PVT1: variants seen among roughly 807,000 people sequenced by gnomAD.
PVT1 encodes CXCR4/PVT1 fusion.
intron 5 of PVT1, among the ~76,000 whole-genome samples, chr8:128,070,823 G>T (rs185395157): frequency 1.3e-5 from 2 of 152,192 alleles, no homozygotes; most frequent in South Asian, 2.1e-4. Flanking sequence ...TCTTCCCCCT[G>T]CCATGGACTT....
chr8:127,923,732 C>T (rs1816092818), intron 3 of PVT1, among the ~76,000 whole-genome samples: 1 of 152,176 alleles, frequency 6.6e-6, no homozygotes, highest in South Asian at 2.1e-4. Context: ...ACACAGGAGC[C>T]TCCCCCTAAC....
intron 3 of PVT1, among the ~76,000 whole-genome samples, chr8:127,952,927 G>A (rs1690215761): frequency 1.3e-5 from 2 of 152,170 alleles, no homozygotes; most frequent in Admixed American, 1.3e-4. Flanking sequence ...ACCACGCCTG[G>A]CTAATTTTTT....
intron 2 of PVT1, among the ~76,000 whole-genome samples, chr8:127,841,849 C>T (rs1352682268): frequency 2.0e-5 from 3 of 151,966 alleles, no homozygotes; most frequent in African/African-American, 7.2e-5. Context: ...CCTCAGCCTC[C>T]CAAGTAGCTG....
At chr8:128,041,702 G>A (rs928447278) in intron 4 of PVT1, among the ~76,000 whole-genome samples, 28 of 151,508 alleles carry the variant, frequency 1.8e-4, no homozygotes, top group Non-Finnish European at 2.4e-4. Context: ...TGTGTTGTTC[G>A]TGTGTGCATG....
At chr8:127,991,852 C>G (rs1241349756) in intron 4 of PVT1, among the ~76,000 whole-genome samples, 1 of 152,260 alleles carries the variant, frequency 6.6e-6, no homozygotes, top group East Asian at 1.9e-4. Context: ...GGGAGCCTGC[C>G]TGTCTGTACC....
intron 5 of PVT1, among the ~76,000 whole-genome samples, chr8:128,084,990 G>A (rs1440305295): frequency 6.6e-6 from 1 of 152,134 alleles, no homozygotes; most frequent in African/African-American, 2.4e-5. Flanking sequence ...TCCCATCTGT[G>A]GTGGTTTAAA....
intron 2 of PVT1, among the ~76,000 whole-genome samples, chr8:127,809,440 C>G (rs1430699783): frequency 2.6e-5 from 4 of 152,192 alleles, no homozygotes; most frequent in African/African-American, 9.7e-5. Context: ...GCGATCCTCC[C>G]ATCTTGACCT....
chr8:127,946,522 C>T (rs1414867603), intron 3 of PVT1: 1 of 152,142 alleles, frequency 6.6e-6, no homozygotes, highest in Non-Finnish European at 1.5e-5. Context: ...AGGAAAGAGA[C>T]CACGGATGAA....
intron 3 of PVT1, among the ~76,000 whole-genome samples, chr8:127,967,211 G>T (rs773649828): frequency 2.0e-5 from 3 of 152,180 alleles, no homozygotes; most frequent in Non-Finnish European, 4.4e-5. Context: ...AGGTCAGAAG[G>T]ACAGGGCCTT....
At chr8:128,001,551 G>T (rs879461174) in intron 4 of PVT1, among the ~76,000 whole-genome samples, 2 of 152,096 alleles carry the variant, frequency 1.3e-5, no homozygotes, top group Admixed American at 1.3e-4. Context: ...CACCAGATCA[G>T]GAATCTGTTT....
At chr8:127,950,822 C>G (rs1385900425) in intron 3 of PVT1, among the ~76,000 whole-genome samples, 1 of 152,226 alleles carries the variant, frequency 6.6e-6, no homozygotes, top group Non-Finnish European at 1.5e-5. Flanking sequence ...CTGCTCAGCA[C>G]TTTTACAGTT....
chr8:128,021,517 T>C (rs1487704265), intron 4 of PVT1, among the ~76,000 whole-genome samples: 1 of 151,998 alleles, frequency 6.6e-6, no homozygotes, highest in Non-Finnish European at 1.5e-5. Flanking sequence ...ATGGTCTTGA[T>C]CTCCTGACTT....
At chr8:128,047,804 TAACTC>T (rs1813637481) in intron 4 of PVT1, among the ~76,000 whole-genome samples, 1 of 152,168 alleles carries the variant, frequency 6.6e-6, no homozygotes, top group Non-Finnish European at 1.5e-5. Flanking sequence ...ACCTGTTAAT[TAACTC>T]AACTTAGCCA....
chr8:128,050,534 T>G (rs567091649), intron 4 of PVT1, among the ~76,000 whole-genome samples: 1 of 152,324 alleles, frequency 6.6e-6, no homozygotes, highest in Admixed American at 6.5e-5. Context: ...TTGCTTTCCT[T>G]GACGTCTGTG....
At chr8:128,092,299 G>A (rs1586516087) in intron 5 of PVT1, among the ~76,000 whole-genome samples, 1 of 152,130 alleles carries the variant, frequency 6.6e-6, no homozygotes, top group East Asian at 1.9e-4. Flanking sequence ...ACGTCAGACA[G>A]ATGGCTCAGG....
rs568309216 is a variant in PVT1 at position 127,955,848 on chromosome 8, G to GTGCT, written n.783-33313_783-33310dup. Among the ~76,000 whole-genome samples the GTGCT allele has an allele frequency of 1.7e-4, 26 of 152,284 alleles. No homozygotes were observed. The South Asian group carries it at 5.4e-3, about 32-fold the overall frequency. On this transcript the variant is annotated intron_variant and non_coding_transcript_variant, in intron 3 of 10. Transcript: ENST00000651587. ...GATCTGCCCGCCTCGGCCTCCCAAAGTGCTGGGTTACAGGCGTGAACCACC... is the reference window on the plus strand; with the variant it reads ...GATCTGCCCGCCTCGGCCTCCCAAAGTGCTTGCTGGGTTACAGGCGTGAACCACC...
intron 2 of PVT1, among the ~76,000 whole-genome samples, chr8:127,876,035 C>G (rs999228354): frequency 2.6e-5 from 4 of 152,358 alleles, no homozygotes; most frequent in East Asian, 3.9e-4. Context: ...TCCACCCCCC[C>G]TCACCCTCAG....
Position 127,812,264 on chromosome 8 carries a change from C to CAGGA in PVT1, n.372+16216_372+16219dup, listed in dbSNP as rs112398801. On this transcript the variant is annotated intron_variant and non_coding_transcript_variant, in intron 2 of 10. Transcript: ENST00000651587. ...GAAGGAAGGCAGGAAGGCAGGAAGGCAGGAAGGAAGGAAGGAAGGAAGGAA... is the reference window on the plus strand; with the variant it reads ...GAAGGAAGGCAGGAAGGCAGGAAGGCAGGAAGGAAGGAAGGAAGGAAGGAAGGAA... 2.4e-3 allele frequency among the ~76,000 whole-genome samples: 307 copies of CAGGA among 126,024 alleles called. 6 individuals carry two copies. The highest frequency in any genetic ancestry group is 9.9e-3 in the African/African-American group (260 of 26,296). 82.7% of individuals were successfully genotyped at this position (126,024 alleles called of 152,430 possible).
intron 4 of PVT1, among the ~76,000 whole-genome samples, chr8:128,052,114 G>T (rs1586499040): frequency 6.6e-6 from 1 of 152,186 alleles, no homozygotes; most frequent in Admixed American, 6.5e-5. Flanking sequence ...TGGGTGGATT[G>T]GCTGGCAGGG....
Sources: gnomAD v4.1 joint callset for allele counts (sites outside exome capture counted in the v4.1 genomes callset) on GRCh38, gnomAD v4.1.1 for gene constraint, MANE v1.5 for transcripts, NCBI Gene and HGNC (gene_info 2026-07-23, HGNC 2026-07-21) for gene names.